The following SMIM31 variants were observed in gnomAD, a reference collection of about 807,000 sequenced individuals.
The protein encoded by SMIM31 is small integral membrane protein 31, also known as human epithelial cell program regulator.
chr4:164,770,951 C>A (rs114129503), intron 2 of SMIM31, among the ~76,000 whole-genome samples: 2 of 151,856 alleles, frequency 1.3e-5, no homozygotes, highest in African/African-American at 4.8e-5. Flanking sequence ...ACATTTCAGA[C>A]GAAATTGATA....
rs544763064 is a variant in SMIM31, at chr4:164,802,041, A to G, written c.*847A>G. The G allele has an allele frequency of 1.1e-3, 164 of 151,836 alleles. No individual in the cohort carries two copies. Among genetic ancestry groups the G allele is most frequent in the East Asian group, 2.1e-3 (11 of 5,140 alleles). 9.4% of individuals were successfully genotyped at this position (151,836 alleles called of 1,614,324 possible). ...GAGGTCAGGAGATTGAGACCATCCTAGCTAACACAGTGAAACCCCGTCTCT... is the reference window on the plus strand; with the variant it reads ...GAGGTCAGGAGATTGAGACCATCCTGGCTAACACAGTGAAACCCCGTCTCT... On this transcript the variant is annotated 3_prime_UTR_variant, in exon 3 of 3. Transcript: ENST00000507311.
chr4:164,784,938 G>C (rs1733008082), intron 2 of SMIM31, among the ~76,000 whole-genome samples: 1 of 146,024 alleles, frequency 6.8e-6, no homozygotes, highest in Admixed American at 6.9e-5. Flanking sequence ...AAATAATCTT[G>C]TAAAGCCGGG....
chr4:164,784,076 G>A (rs1242716033), intron 2 of SMIM31, among the ~76,000 whole-genome samples: 1 of 152,136 alleles, frequency 6.6e-6, no homozygotes, highest in Non-Finnish European at 1.5e-5. Context: ...AAGAATGGTG[G>A]CCCTAAAAAT....
At chr4:164,754,551 A>ATTTT (rs57916805) in intron 1 of SMIM31, 140 bp downstream of exon 1, 88 of 55,604 alleles carry the variant, frequency 1.6e-3, no homozygotes, top group African/African-American at 4.2e-3. Context: ...TCCTGGAGGT[A>ATTTT]TTTTTTTTTT....
intron 2 of SMIM31, among the ~76,000 whole-genome samples, chr4:164,794,678 G>A (rs964914721): frequency 1.4e-4 from 22 of 151,826 alleles, no homozygotes; most frequent in South Asian, 8.3e-4. Flanking sequence ...GGTGGCGTGC[G>A]CCTGTAGTCC....
At chr4:164,784,298 A>C (rs1255482409) in intron 2 of SMIM31, among the ~76,000 whole-genome samples, 1 of 152,214 alleles carries the variant, frequency 6.6e-6, no homozygotes, top group Non-Finnish European at 1.5e-5. Context: ...TAATGACCGC[A>C]GTTTGGCTAG....
intron 2 of SMIM31, among the ~76,000 whole-genome samples, chr4:164,777,941 G>A (rs1036263150): frequency 6.6e-6 from 1 of 152,226 alleles, no homozygotes; most frequent in Non-Finnish European, 1.5e-5. Flanking sequence ...TGTGGCCAAA[G>A]GCCCTACAGC....
intron 2 of SMIM31, among the ~76,000 whole-genome samples, chr4:164,774,053 C>A (rs1357858221): frequency 1.3e-5 from 2 of 151,682 alleles, no homozygotes; most frequent in Non-Finnish European, 1.5e-5. Context: ...GCAGTCCCAG[C>A]TACTCGGGAG....
At chr4:164,760,507 G>A (rs1732631765) in intron 1 of SMIM31, among the ~76,000 whole-genome samples, 1 of 151,582 alleles carries the variant, frequency 6.6e-6, no homozygotes, top group African/African-American at 2.4e-5. Flanking sequence ...AAGGCGGGTG[G>A]ATCACTTGAG....
intron 1 of SMIM31, among the ~76,000 whole-genome samples, chr4:164,762,810 C>T (rs28742280): frequency 0.048 from 7,378 of 152,142 alleles, 543 homozygotes; most frequent in African/African-American, 0.17. Flanking sequence ...TTGAAAGCAT[C>T]GGAGCTACAC....
At chr4:164,778,616 T>C (rs901210980) in intron 2 of SMIM31, among the ~76,000 whole-genome samples, 1 of 152,214 alleles carries the variant, frequency 6.6e-6, no homozygotes, top group Non-Finnish European at 1.5e-5. Context: ...TTCATCCCTA[T>C]GACCACATTG....
intron 2 of SMIM31, among the ~76,000 whole-genome samples, chr4:164,799,792 T>A (rs1209678468): frequency 6.6e-6 from 1 of 152,240 alleles, no homozygotes; most frequent in Non-Finnish European, 1.5e-5. Context: ...CACTGATGTA[T>A]CCCAAGCATT....
intron 1 of SMIM31, among the ~76,000 whole-genome samples, chr4:164,754,757 T>A (rs1440386188): frequency 6.6e-6 from 1 of 151,544 alleles, no homozygotes; most frequent in African/African-American, 2.4e-5. Flanking sequence ...CCAAATTAAA[T>A]TAAATCATAC....
At chr4:164,757,364 C>T (rs1732578528) in intron 1 of SMIM31, among the ~76,000 whole-genome samples, 2 of 152,030 alleles carry the variant, frequency 1.3e-5, no homozygotes, top group Admixed American at 6.6e-5. Flanking sequence ...CAATCTGAGC[C>T]TTGCCTACTC....
intron 2 of SMIM31, among the ~76,000 whole-genome samples, chr4:164,779,518 T>G (rs913976322): frequency 8.0e-6 from 1 of 124,842 alleles, no homozygotes; most frequent in African/African-American, 3.3e-5. Context: ...TCTGCAAATT[T>G]TTGTCATGGA....
At chr4:164,762,015 C>T (rs1360225419) in intron 1 of SMIM31, among the ~76,000 whole-genome samples, 2 of 152,156 alleles carry the variant, frequency 1.3e-5, no homozygotes, top group Non-Finnish European at 2.9e-5. Context: ...CTCCTGCTAG[C>T]TCAGCCAATG....
At chr4:164,765,915 T>C (rs1251841395) in intron 1 of SMIM31, among the ~76,000 whole-genome samples, 1 of 152,138 alleles carries the variant, frequency 6.6e-6, no homozygotes, top group African/African-American at 2.4e-5. Flanking sequence ...TTTTACCTAG[T>C]CCCCTTGGCC....
chr4:164,800,722 T>G (rs1014132035), intron 2 of SMIM31, among the ~76,000 whole-genome samples: 5 of 152,302 alleles, frequency 3.3e-5, no homozygotes, highest in Non-Finnish European at 5.9e-5. Context: ...TACAGCTTTC[T>G]CTGTCTTTAT....
intron 1 of SMIM31, among the ~76,000 whole-genome samples, chr4:164,758,652 G>A (rs1313222338): frequency 1.1e-4 from 1 of 9,464 alleles, no homozygotes; most frequent in East Asian, 2.6e-3. Context: ...TTTTTTTTTT[G>A]AGACGGAGTC....
Sources: gnomAD v4.1 joint callset for allele counts (sites outside exome capture counted in the v4.1 genomes callset) on GRCh38, gnomAD v4.1.1 for gene constraint, MANE v1.5 for transcripts, NCBI Gene and HGNC (gene_info 2026-07-23, HGNC 2026-07-21) for gene names.